PRKCE: variants seen among roughly 807,000 people sequenced by gnomAD.
PRKCE encodes the protein protein kinase C epsilon type.
In PRKCE, 16 loss-of-function variants were observed where a neutral mutation model predicts 85.4. That is an observed-to-expected ratio of 0.19 (90% CI 0.13 to 0.28). The LOEUF is 0.28. Ranked by LOEUF, PRKCE falls within the 10% of genes least tolerant of loss-of-function variation. The probability of loss-of-function intolerance (pLI) is 1.00; values close to 1 mark genes in which losing one functional copy is unlikely to be tolerated. For synonymous variants in PRKCE, 388 were observed against 371.5 expected, an observed-to-expected ratio of 1.04 and a Z score of -0.51; for missense variants, 573 against 975.2, an observed-to-expected ratio of 0.59 and a Z score of 5.49.
chr2:45,847,955 G>A (rs974157247), intron 2 of PRKCE, among the ~76,000 whole-genome samples: 2 of 152,178 alleles, frequency 1.3e-5, no homozygotes, highest in South Asian at 2.1e-4. Flanking sequence ...CTAAGTCTTG[G>A]TCTGAAACTA....
chr2:46,086,961 T>C (rs1028450096), intron 11 of PRKCE, among the ~76,000 whole-genome samples: 1 of 152,084 alleles, frequency 6.6e-6, no homozygotes, highest in African/African-American at 2.4e-5. Context: ...CACACACACA[T>C]GCACGCGCAC....
chr2:46,061,087 T>C (rs1183774264), intron 10 of PRKCE, among the ~76,000 whole-genome samples: 2 of 150,352 alleles, frequency 1.3e-5, no homozygotes, highest in East Asian at 3.9e-4. Context: ...AATGATTTTC[T>C]TTTCTTCTTT....
chr2:45,743,723 C>T (rs148933225), intron 1 of PRKCE, among the ~76,000 whole-genome samples: 1 of 152,324 alleles, frequency 6.6e-6, no homozygotes, highest in East Asian at 1.9e-4. Context: ...TTGCCCTAAG[C>T]AGGAGGTTTT....
intron 13 of PRKCE, among the ~76,000 whole-genome samples, chr2:46,153,873 G>A (rs1253819287): frequency 7.4e-6 from 1 of 135,780 alleles, no homozygotes; most frequent in Admixed American, 8.3e-5. Context: ...TGCAACTTCC[G>A]CCTCCCGGGT....
intron 2 of PRKCE, among the ~76,000 whole-genome samples, chr2:45,945,160 G>T (rs534980514): frequency 1.3e-5 from 2 of 152,320 alleles, no homozygotes; most frequent in South Asian, 2.1e-4. Flanking sequence ...AGGCTGCTGT[G>T]TGAGTCCATT....
chr2:45,732,215 G>A (rs749064234), intron 1 of PRKCE, among the ~76,000 whole-genome samples: 18 of 152,118 alleles, frequency 1.2e-4, no homozygotes, highest in African/African-American at 1.7e-4. Flanking sequence ...TCCTAGGGCA[G>A]GCAAAGGGCT....
Position 45,988,089 on chromosome 2 carries a change from G to C in PRKCE, c.823+3409G>C, listed in dbSNP as rs58591933. On this transcript the variant is annotated intron_variant, in intron 6 of 14. Transcript: ENST00000306156. The stretch of plus-strand genomic sequence containing the variant: ...TGGCAGGTGCCCTATGCCACCCTTT[G>C]CTGCTTAGGAAGACTCAGCCAGGCT... Among the ~76,000 whole-genome samples the C allele has an allele frequency of 2.9e-3, 438 of 152,310 alleles. 4 individuals are homozygous for C. Among genetic ancestry groups the C allele is most frequent in the African/African-American group, 0.01 (425 of 41,556 alleles).
At chr2:45,981,237 G>A (rs1462719481) in intron 5 of PRKCE, among the ~76,000 whole-genome samples, 1 of 152,180 alleles carries the variant, frequency 6.6e-6, no homozygotes, top group African/African-American at 2.4e-5. Context: ...TATGGATGTA[G>A]GTATTATCAG....
At chr2:46,064,595 T>C (rs1667451473) in intron 10 of PRKCE, among the ~76,000 whole-genome samples, 1 of 152,222 alleles carries the variant, frequency 6.6e-6, no homozygotes, top group African/African-American at 2.4e-5. Flanking sequence ...TTATCTCCTT[T>C]GTAGATTAGA....
intron 11 of PRKCE, among the ~76,000 whole-genome samples, chr2:46,101,277 T>C (rs921860801): frequency 1.3e-5 from 2 of 152,088 alleles, no homozygotes; most frequent in African/African-American, 4.8e-5. Flanking sequence ...ATAAGAGTTA[T>C]GATAGAAAAA....
At chr2:45,685,128 G>A (rs932029539) in intron 1 of PRKCE, among the ~76,000 whole-genome samples, 16 of 152,282 alleles carry the variant, frequency 1.1e-4, no homozygotes, top group African/African-American at 3.4e-4. Flanking sequence ...ATGACTCCTG[G>A]ATAACCAAAA....
chr2:45,685,103 C>G (rs1677199986), intron 1 of PRKCE, among the ~76,000 whole-genome samples: 1 of 152,168 alleles, frequency 6.6e-6, no homozygotes, highest in Non-Finnish European at 1.5e-5. Flanking sequence ...GCACTTGAAA[C>G]CTAAACACGG....
chr2:45,829,466 G>A (rs1251439669), intron 1 of PRKCE, among the ~76,000 whole-genome samples: 2 of 152,152 alleles, frequency 1.3e-5, no homozygotes, highest in Non-Finnish European at 2.9e-5. Context: ...AGGAGAAAAG[G>A]GGGAAGTCTG....
At chr2:46,010,926 T>C in intron 10 of PRKCE, 2 of 1,422,276 alleles carry the variant, frequency 1.4e-6, no homozygotes, top group Non-Finnish European at 1.8e-6. Flanking sequence ...TCTTCTAATC[T>C]GTGTAATGTC....
chr2:45,701,880 G>C (rs1195596357), intron 1 of PRKCE, among the ~76,000 whole-genome samples: 3 of 152,044 alleles, frequency 2.0e-5, no homozygotes, highest in African/African-American at 7.3e-5. Context: ...TGAAATTTAG[G>C]ACTCACCGTC....
At chr2:45,747,654 A>G (rs1683243122) in intron 1 of PRKCE, among the ~76,000 whole-genome samples, 1 of 152,200 alleles carries the variant, frequency 6.6e-6, no homozygotes, top group Non-Finnish European at 1.5e-5. Context: ...TTGAATAATG[A>G]TGCAATGAAC....
chr2:45,794,849 C>CA (rs1553412994), intron 1 of PRKCE, among the ~76,000 whole-genome samples: 2 of 151,082 alleles, frequency 1.3e-5, no homozygotes, highest in Admixed American at 1.3e-4. Flanking sequence ...TGCCCTACCC[C>CA]CCCCCCCATC....
chr2:45,673,263 A>G (rs976305190), intron 1 of PRKCE, among the ~76,000 whole-genome samples: 2 of 152,238 alleles, frequency 1.3e-5, no homozygotes, highest in African/African-American at 4.8e-5. Context: ...ATGTGTTCCA[A>G]ACAATATAAG....
intron 2 of PRKCE, among the ~76,000 whole-genome samples, chr2:45,967,965 C>T (rs1701843468): frequency 6.6e-6 from 1 of 152,174 alleles, no homozygotes; most frequent in African/African-American, 2.4e-5. Context: ...GAAGACCCCA[C>T]AGCACACCTG....
Sources: allele counts gnomAD v4.1 joint callset (sites outside exome capture counted in the v4.1 genomes callset), GRCh38; gene constraint gnomAD v4.1.1; transcripts MANE v1.5; gene names NCBI Gene and HGNC (gene_info 2026-07-23, HGNC 2026-07-21).